The following LARGE1 variants were observed in gnomAD, a reference collection of about 807,000 sequenced individuals.
LARGE1 encodes LARGE xylosyl- and glucuronyltransferase 1, also known as xylosyl- and glucuronyltransferase LARGE1.
A neutral mutation model predicts 87.6 loss-of-function variants in LARGE1; 43 were observed. That is an observed-to-expected ratio of 0.49 (90% CI 0.38 to 0.63). The LOEUF is 0.63. LARGE1 is among the 30% of genes least tolerant of loss of function. LARGE1 has a pLI of 0.00. For synonymous variants in LARGE1, 434 were observed against 394.6 expected (o/e 1.10, Z -1.18); for missense variants, 802 against 1,000.2 (o/e 0.80, Z 2.67).
downstream of LARGE1, among the ~76,000 whole-genome samples, chr22:33,158,359 T>C (rs1921928655): frequency 6.6e-6 from 1 of 152,022 alleles, no homozygotes; most frequent in Non-Finnish European, 1.5e-5. Flanking sequence ...AAGAGAAAAA[T>C]AAATGAACGA....
chr22:33,789,406 G>T (rs988861514), intron 1 of LARGE1, among the ~76,000 whole-genome samples: 7 of 152,232 alleles, frequency 4.6e-5, no homozygotes, highest in Non-Finnish European at 1.0e-4. Flanking sequence ...GAGAACCTCT[G>T]CTAGGACAGT....
chr22:33,517,245 G>A (rs1386373050), intron 6 of LARGE1, among the ~76,000 whole-genome samples: 1 of 152,070 alleles, frequency 6.6e-6, no homozygotes, highest in Non-Finnish European at 1.5e-5. Flanking sequence ...TTGGAAAGTG[G>A]CTACAAACTT....
chr22:33,814,117 T>C (rs1460977326), intron 1 of LARGE1, among the ~76,000 whole-genome samples: 3 of 152,326 alleles, frequency 2.0e-5, no homozygotes, highest in Middle Eastern at 6.8e-3. Flanking sequence ...TTCCATGACA[T>C]AGTATTCACT....
At chr22:33,415,870 TG>T (rs1394677929) in intron 7 of LARGE1, among the ~76,000 whole-genome samples, 3 of 152,196 alleles carry the variant, frequency 2.0e-5, no homozygotes, top group African/African-American at 7.2e-5. Context: ...GAAACTGTAT[TG>T]TTTAAGAACC....
At chr22:33,829,787 A>G (rs951675884) in intron 1 of LARGE1, among the ~76,000 whole-genome samples, 2 of 152,156 alleles carry the variant, frequency 1.3e-5, no homozygotes, top group Non-Finnish European at 2.9e-5. Context: ...ATTGCCATTC[A>G]AGATAATGAA....
exon 12 of LARGE1, chr22:33,165,956 G>A (rs948148828): frequency 2.6e-5 from 4 of 152,202 alleles, no homozygotes; most frequent in Non-Finnish European, 4.4e-5. Flanking sequence ...CAGGTACATA[G>A]AGGAGAGATT....
At chr22:33,137,199 A>G in the LARGE1 span, 1 of 152,228 alleles carries the variant, frequency 6.6e-6, no homozygotes, top group Admixed American at 6.5e-5. Flanking sequence ...TTTCAAGCCC[A>G]TCATCTTCAC....
intron 11 of LARGE1, among the ~76,000 whole-genome samples, chr22:33,315,391 T>C (rs1386669334): frequency 1.3e-5 from 2 of 152,222 alleles, no homozygotes; most frequent in African/African-American, 4.8e-5. Flanking sequence ...CTGGAAATGC[T>C]TGATGGATGT....
At chr22:33,276,958 C>A (rs1031754311) in intron 14 of LARGE1, 102 bp downstream of exon 14, 3 of 1,134,942 alleles carry the variant, frequency 2.6e-6, no homozygotes, top group Admixed American at 3.5e-5. Context: ...TATCTTGTTC[C>A]CTCTTAGCTC....
chr22:33,301,140 G>A (rs1262667328), intron 12 of LARGE1, among the ~76,000 whole-genome samples: 1 of 152,072 alleles, frequency 6.6e-6, no homozygotes, highest in Non-Finnish European at 1.5e-5. Context: ...TGTGCACAAG[G>A]GGCATCCACT....
chr22:33,480,963 T>G (rs1198949360), intron 6 of LARGE1, among the ~76,000 whole-genome samples: 1 of 152,168 alleles, frequency 6.6e-6, no homozygotes, highest in African/African-American at 2.4e-5. Flanking sequence ...ACAACTTAAA[T>G]TTAAATTTAT....
intron 6 of LARGE1, among the ~76,000 whole-genome samples, chr22:33,516,021 G>T (rs762508648): frequency 1.6e-4 from 25 of 152,216 alleles, no homozygotes; most frequent in Non-Finnish European, 1.3e-4. Flanking sequence ...CTTCACCAGC[G>T]TGAGAAGAGC....
intron 6 of LARGE1, among the ~76,000 whole-genome samples, chr22:33,563,840 T>C (rs573188321): frequency 1.4e-4 from 22 of 152,042 alleles, no homozygotes; most frequent in Non-Finnish European, 2.4e-4. Flanking sequence ...ATTCCCATGA[T>C]TTGGTGAAGA....
intron 2 of LARGE1, among the ~76,000 whole-genome samples, chr22:33,677,305 A>G (rs2081612737): frequency 6.6e-6 from 1 of 151,952 alleles, no homozygotes; most frequent in Admixed American, 6.5e-5. Flanking sequence ...AAAAAAAAAA[A>G]AAGAAAAGAA....
At chr22:33,635,118 CAAAA>C (rs1269248304) in intron 3 of LARGE1, among the ~76,000 whole-genome samples, 3 of 130,576 alleles carry the variant, frequency 2.3e-5, no homozygotes, top group African/African-American at 8.4e-5. Flanking sequence ...ACTCCATCTC[CAAAA>C]AAAAAAAAAG....
intron 11 of LARGE1, among the ~76,000 whole-genome samples, chr22:33,243,301 A>G (rs1344351127): frequency 6.6e-6 from 1 of 152,254 alleles, no homozygotes; most frequent in Non-Finnish European, 1.5e-5. Flanking sequence ...GCGTTTTGAC[A>G]CATGTACACA....
At chr22:33,150,618 T>G in the LARGE1 span, among the ~76,000 whole-genome samples, 1 of 152,348 alleles carries the variant, frequency 6.6e-6, no homozygotes, top group South Asian at 2.1e-4. Context: ...CATTTTTAGT[T>G]TCTGTATAAA....
the LARGE1 span, among the ~76,000 whole-genome samples, chr22:33,085,432 A>G: frequency 6.6e-6 from 1 of 152,228 alleles, no homozygotes; most frequent in Admixed American, 6.5e-5. Context: ...TAGAACAATC[A>G]ATTTGACTTT....
At chr22:33,228,129 TTC>T (rs1925825342) in intron 11 of LARGE1, among the ~76,000 whole-genome samples, 1 of 152,244 alleles carries the variant, frequency 6.6e-6, no homozygotes, top group Non-Finnish European at 1.5e-5. Flanking sequence ...AAGTTATTTA[TTC>T]TCTCTGTGCT....
Sources: allele counts gnomAD v4.1 joint callset (sites outside exome capture counted in the v4.1 genomes callset), GRCh38; gene constraint gnomAD v4.1.1; transcripts MANE v1.5; gene names NCBI Gene and HGNC (gene_info 2026-07-23, HGNC 2026-07-21).